Variants in ADGRL3 observed in about 807,000 individuals in gnomAD.
ADGRL3 encodes calcium-independent alpha-latrotoxin receptor 3.
Under a neutral mutation model 153.5 loss-of-function variants are expected in ADGRL3, and 62 were observed. That is an observed-to-expected ratio of 0.40 (90% CI 0.33 to 0.50). ADGRL3 has a LOEUF of 0.50. Ranked by LOEUF, ADGRL3 falls within the 20% of genes least tolerant of loss-of-function variation. The probability of loss-of-function intolerance (pLI) is 0.47; values close to 1 mark genes in which losing one functional copy is unlikely to be tolerated. For synonymous variants in ADGRL3, 710 were observed against 672.5 expected (o/e 1.06, Z -0.86); for missense variants, 1,641 against 1,859.4 (o/e 0.88, Z 2.16).
intron 1 of ADGRL3, among the ~76,000 whole-genome samples, chr4:61,371,621 C>T (rs1018107902): frequency 6.6e-6 from 1 of 152,044 alleles, no homozygotes; most frequent in Non-Finnish European, 1.5e-5. Flanking sequence ...GATGGGCTTC[C>T]CTTTGAGGGT....
intron 8 of ADGRL3, among the ~76,000 whole-genome samples, chr4:61,788,599 A>G (rs936898396): frequency 2.6e-5 from 4 of 152,150 alleles, no homozygotes; most frequent in African/African-American, 9.7e-5. Context: ...ACCCAGAAAA[A>G]CAATTCTGGT....
At chr4:61,371,877 G>A (rs1275598058) in intron 1 of ADGRL3, among the ~76,000 whole-genome samples, 119 of 152,246 alleles carry the variant, frequency 7.8e-4, no homozygotes, top group Admixed American at 1.6e-3. Context: ...CCAAGCAGAT[G>A]TAGATTTGGT....
intron 9 of ADGRL3, among the ~76,000 whole-genome samples, chr4:61,878,390 A>G (rs971831633): frequency 6.6e-6 from 1 of 152,244 alleles, no homozygotes; most frequent in African/African-American, 2.4e-5. Context: ...GTTAATGATC[A>G]TATAATCAGT....
chr4:61,781,348 GAAAA>G (rs1190822324), intron 8 of ADGRL3, among the ~76,000 whole-genome samples: 4 of 133,958 alleles, frequency 3.0e-5, no homozygotes, highest in Non-Finnish European at 4.6e-5. Context: ...AAAAAAAAAA[GAAAA>G]GAAAAGAAAA....
intron 4 of ADGRL3, among the ~76,000 whole-genome samples, chr4:61,559,214 C>G (rs1278603860): frequency 6.6e-6 from 1 of 152,038 alleles, no homozygotes; most frequent in Non-Finnish European, 1.5e-5. Context: ...TCATCATCAT[C>G]ACGACCACCA....
intron 24 of ADGRL3, among the ~76,000 whole-genome samples, chr4:62,040,727 G>A (rs1017189334): frequency 3.9e-5 from 6 of 152,096 alleles, no homozygotes; most frequent in Admixed American, 1.3e-4. Flanking sequence ...GACAGAAAAC[G>A]TATTAATAAC....
intron 13 of ADGRL3, among the ~76,000 whole-genome samples, chr4:61,934,376 A>C (rs546574591): frequency 6.6e-6 from 1 of 152,336 alleles, no homozygotes; most frequent in South Asian, 2.1e-4. Context: ...ACCTATAAGC[A>C]ACAAATTCTT....
chr4:61,774,936 T>G (rs1269514473), intron 8 of ADGRL3, among the ~76,000 whole-genome samples: 2 of 152,174 alleles, frequency 1.3e-5, no homozygotes, highest in African/African-American at 4.8e-5. Flanking sequence ...GTTTATTATG[T>G]GGATTCTTCT....
At chr4:61,456,692 A>G (rs2097760301) in intron 2 of ADGRL3, among the ~76,000 whole-genome samples, 1 of 151,582 alleles carries the variant, frequency 6.6e-6, no homozygotes, top group South Asian at 2.1e-4. Flanking sequence ...TTATTCTAGA[A>G]CAGGAAACTG....
intron 2 of ADGRL3, among the ~76,000 whole-genome samples, chr4:61,388,038 G>A (rs1560558323): frequency 6.6e-6 from 1 of 152,002 alleles, no homozygotes; most frequent in African/African-American, 2.4e-5. Flanking sequence ...CCTCCATTTG[G>A]GGTCCCTGAC....
chr4:61,632,555 A>T (rs1054128202), intron 5 of ADGRL3, among the ~76,000 whole-genome samples: 1 of 152,136 alleles, frequency 6.6e-6, no homozygotes, highest in Non-Finnish European at 1.5e-5. Flanking sequence ...TAAGTTCATG[A>T]TAAAATTGAA....
At chr4:62,069,347 T>TA (rs1025681368) in intron 26 of ADGRL3, among the ~76,000 whole-genome samples, 7 of 151,982 alleles carry the variant, frequency 4.6e-5, no homozygotes, top group African/African-American at 1.2e-4. Context: ...CTAATGACCC[T>TA]AAAAAAATCT....
chr4:61,278,236 T>C (rs2093567077), intron 1 of ADGRL3, among the ~76,000 whole-genome samples: 2 of 152,198 alleles, frequency 1.3e-5, no homozygotes, highest in Admixed American at 6.5e-5. Flanking sequence ...CCCTTTCATC[T>C]GCCCTTTCTC....
At chr4:61,465,758 A>AATATAAATATAT (rs1553936153) in intron 2 of ADGRL3, among the ~76,000 whole-genome samples, 4 of 130,156 alleles carry the variant, frequency 3.1e-5, no homozygotes, top group Non-Finnish European at 6.4e-5. Flanking sequence ...ATTATATATA[A>AATATAAATATAT]ATATATATAT....
At chr4:61,967,332 C>A (rs1309230954) in intron 17 of ADGRL3, among the ~76,000 whole-genome samples, 1 of 151,982 alleles carries the variant, frequency 6.6e-6, no homozygotes, top group Non-Finnish European at 1.5e-5. Flanking sequence ...AATAAAATAA[C>A]TATGGCATGT....
intron 1 of ADGRL3, among the ~76,000 whole-genome samples, chr4:61,277,022 T>C (rs1022290818): frequency 1.3e-5 from 2 of 152,182 alleles, no homozygotes; most frequent in Non-Finnish European, 2.9e-5. Context: ...CTACCCCCTA[T>C]TTCATTTGTT....
At chr4:62,044,398 G>C in intron 24 of ADGRL3, 55 bp from the exon 25 acceptor site, 1 of 1,126,598 alleles carries the variant, frequency 8.9e-7, no homozygotes, top group South Asian at 1.4e-5. Flanking sequence ...AATGATTTGT[G>C]TGAAAATTCA....
At chr4:61,622,407 G>GA (rs2092578278) in intron 5 of ADGRL3, among the ~76,000 whole-genome samples, 1 of 151,862 alleles carries the variant, frequency 6.6e-6, no homozygotes, top group Non-Finnish European at 1.5e-5. Context: ...GAACTTTTTG[G>GA]AAAAAATGTC....
At chr4:61,805,167 C>T (rs887069357) in intron 8 of ADGRL3, among the ~76,000 whole-genome samples, 8 of 151,750 alleles carry the variant, frequency 5.3e-5, no homozygotes, top group Non-Finnish European at 2.9e-5. Flanking sequence ...GTGTTTCGAT[C>T]TCCTGACCTC....
Sources: allele counts gnomAD v4.1 joint callset (sites outside exome capture counted in the v4.1 genomes callset), GRCh38; gene constraint gnomAD v4.1.1; transcripts MANE v1.5; gene names NCBI Gene and HGNC (gene_info 2026-07-23, HGNC 2026-07-21).